TNS1: variants seen among roughly 807,000 people sequenced by gnomAD.
TNS1 encodes tensin 1, also known as tensin-1.
TNS1 carries 62 observed loss-of-function variants against 168.6 expected under a neutral mutation model. That is an observed-to-expected ratio of 0.37 (90% CI 0.30 to 0.45). TNS1 has a LOEUF of 0.45. TNS1 is among the 20% of genes least tolerant of loss of function. The probability of loss-of-function intolerance (pLI) is 1.00; values close to 1 mark genes in which losing one functional copy is unlikely to be tolerated. For synonymous variants in TNS1, 934 were observed against 933.2 expected, an observed-to-expected ratio of 1.00 and a Z score of -0.02; for missense variants, 2,240 against 2,339.4, an observed-to-expected ratio of 0.96 and a Z score of 0.88.
rs189031941 is a variant in TNS1, at chr2:217,935,444, C to T, written c.187-15208G>A. On this transcript the variant is annotated intron_variant, in intron 3 of 32. Coordinates refer to ENST00000682258, the MANE Select transcript of TNS1 (RefSeq NM_001387777.1). ...ATCACCTCTCCTCCCCCAGCCCCCA[C>T]CCCTCACCCTGGCTCGCCTCTGCTC... is the stretch of plus-strand genomic sequence containing the variant. 4.0e-4 allele frequency among the ~76,000 whole-genome samples: 61 copies of T among 152,288 alleles called. 1 individual carries two copies. The highest frequency in any genetic ancestry group is 1.6e-4 in the Non-Finnish European group (11 of 68,028).
chr2:217,872,604 G>A lies in TNS1; in HGVS notation c.1429+8294C>T, dbSNP rs1949868334. On this transcript the variant is annotated intron_variant, in intron 18 of 32. Transcript: ENST00000682258. ...AGTCTCATACATTGCTGGTAGGAAC[G>A]CCAAATGGTGTAGCCACTTTGGGAA... Among the ~76,000 whole-genome samples, 3 of 152,200 alleles carry A rather than the reference G, an allele frequency of 2.0e-5. No individual in the cohort carries two copies. In the South Asian group the frequency reaches 6.2e-4, roughly 32 times the overall value.
intron 1 of TNS1, among the ~76,000 whole-genome samples, chr2:218,027,055 C>T (rs957644333): frequency 6.6e-6 from 1 of 152,006 alleles, no homozygotes; most frequent in African/African-American, 2.4e-5. Flanking sequence ...TGGGGGCCCA[C>T]GAAGGGAGGA....
intron 2 of TNS1, among the ~76,000 whole-genome samples, chr2:217,989,057 G>A (rs370539794): frequency 6.6e-5 from 10 of 152,222 alleles, no homozygotes; most frequent in African/African-American, 2.2e-4. Flanking sequence ...AAAGGCTCCG[G>A]GCAAAAAGGG....
At chr2:217,979,751 T>G (rs1957993910) in intron 2 of TNS1, among the ~76,000 whole-genome samples, 1 of 152,120 alleles carries the variant, frequency 6.6e-6, no homozygotes, top group African/African-American at 2.4e-5. Flanking sequence ...TTGGGTCTTG[T>G]TGGCTGCCCA....
chr2:217,943,258 T>G (rs890643669), intron 3 of TNS1, among the ~76,000 whole-genome samples: 2 of 151,692 alleles, frequency 1.3e-5, no homozygotes, highest in Non-Finnish European at 2.9e-5. Context: ...CACTGAGGAG[T>G]GGAGATGGGA....
At chr2:217,887,523 G>T (rs1278918823) in intron 12 of TNS1, among the ~76,000 whole-genome samples, 3 of 152,138 alleles carry the variant, frequency 2.0e-5, no homozygotes, top group African/African-American at 7.2e-5. Context: ...GGTCAGGCTG[G>T]TCTCAAACTC....
At chr2:217,993,710 G>C (rs1958418115) in intron 1 of TNS1, among the ~76,000 whole-genome samples, 1 of 152,166 alleles carries the variant, frequency 6.6e-6, no homozygotes, top group South Asian at 2.1e-4. Flanking sequence ...GACATCACTG[G>C]GACCACTGGC....
intron 18 of TNS1, among the ~76,000 whole-genome samples, chr2:217,852,065 A>C (rs1947576230): frequency 6.6e-6 from 1 of 152,226 alleles, no homozygotes; most frequent in Admixed American, 6.5e-5. Context: ...GAATCACTTG[A>C]ACCTGGGAGG....
intron 18 of TNS1, among the ~76,000 whole-genome samples, chr2:217,851,455 A>G (rs1248031834): frequency 6.6e-6 from 1 of 151,570 alleles, no homozygotes; most frequent in South Asian, 2.1e-4. Flanking sequence ...ACACACACAC[A>G]CACACACACA....
In TNS1 at chr2:217,995,916, G is replaced by T. The variant is rs897696483; in HGVS notation, c.34-4860C>A. Among the ~76,000 whole-genome samples the T allele has an allele frequency of 5.3e-5, 8 of 152,296 alleles. No individual in the cohort carries two copies. The East Asian group carries it at 1.4e-3, about 26-fold the overall frequency. On this transcript the variant is annotated intron_variant, in intron 1 of 32. Coordinates refer to ENST00000682258, the MANE Select transcript of TNS1 (RefSeq NM_001387777.1). This position sits in a 1 kb window ranked among gnomAD's most constrained non-coding sequence, Gnocchi z 4.1. Reference sequence around the variant, plus strand: ...CACCCAGCATCAGAGGGCTTTCGTGGCCCTCGGGGCTTCCTCTCCCTTCCC... The same window carrying T: ...CACCCAGCATCAGAGGGCTTTCGTGTCCCTCGGGGCTTCCTCTCCCTTCCC...
intron 18 of TNS1, among the ~76,000 whole-genome samples, chr2:217,856,706 A>AT (rs1351241237): frequency 6.6e-6 from 1 of 152,152 alleles, no homozygotes; most frequent in Non-Finnish European, 1.5e-5. Context: ...ATTACCAAAG[A>AT]TTTTTTGGTA....
chr2:217,807,521 C>T (rs887115850), intron 32 of TNS1, among the ~76,000 whole-genome samples: 5 of 152,188 alleles, frequency 3.3e-5, no homozygotes, highest in African/African-American at 1.2e-4. Flanking sequence ...TGCCAATGGG[C>T]CTCCTGAGGG....
chr2:217,827,001 C>T (rs1235923718), intron 22 of TNS1, among the ~76,000 whole-genome samples: 1 of 152,128 alleles, frequency 6.6e-6, no homozygotes, highest in East Asian at 1.9e-4. Context: ...ACCCCCAGGT[C>T]CCAGATCTAG....
chr2:217,886,403 G>A (rs1325033335), intron 13 of TNS1, 131 bp downstream of exon 13: 1 of 749,898 alleles, frequency 1.3e-6, no homozygotes, highest in Non-Finnish European at 2.3e-6. Flanking sequence ...ACACTTGAGA[G>A]TCCAATGGAG....
At chr2:217,808,010 C>T (rs887794405) in intron 32 of TNS1, 65 bp downstream of exon 32, 18 of 1,586,074 alleles carry the variant, frequency 1.1e-5, no homozygotes, top group East Asian at 6.7e-5. Flanking sequence ...AAATGTGCCC[C>T]GTGCTTCCCT....
chr2:217,815,843 G>T (rs1265772360), intron 24 of TNS1, among the ~76,000 whole-genome samples: 1 of 152,074 alleles, frequency 6.6e-6, no homozygotes, highest in African/African-American at 2.4e-5. Flanking sequence ...CTTTCCACAG[G>T]GAAGGCCTAT....
Position 217,885,113 on chromosome 2 carries a change from G to A in TNS1, c.1168C>T (p.Arg390Cys), listed in dbSNP as rs766397293. ...ATGGCACAGGTGTGGAACTGCACAC[G>A]GAAGATGACGTCTCGGGCTGGGCTT... ...FRSPARDVIF[R>C]VQFHTCAIHD... is the part of the protein sequence containing the mutation. The change falls in exon 16 of 33, where the codon CGT (arginine) becomes TGT (cysteine). Residue 390 changes from arginine to cysteine, a missense_variant. Coordinates refer to ENST00000682258, the MANE Select transcript of TNS1 (RefSeq NM_001387777.1). 32 of 1,614,094 alleles carry A rather than the reference G, an allele frequency of 2.0e-5. No homozygotes were observed. The highest frequency in any genetic ancestry group is 2.7e-5 in the African/African-American group (2 of 74,930).
At chr2:217,804,713 C>T (rs930802941) in intron 32 of TNS1, 110 bp from the exon 33 acceptor site, 1 of 1,407,264 alleles carries the variant, frequency 7.1e-7, no homozygotes, top group African/African-American at 1.4e-5. Context: ...TCTTCCCCAT[C>T]CCTCCAGCAG....
At chr2:217,992,981 G>A (rs1435765528) in intron 1 of TNS1, among the ~76,000 whole-genome samples, 1 of 152,186 alleles carries the variant, frequency 6.6e-6, no homozygotes, top group Admixed American at 6.5e-5. Context: ...TTATGATACT[G>A]TATTTTTAGT....
Sources: gnomAD v4.1 joint callset for allele counts (sites outside exome capture counted in the v4.1 genomes callset) on GRCh38, gnomAD v4.1.1 for gene constraint, Gnocchi (gnomAD v3.1) non-coding constraint, MANE v1.5 for transcripts, NCBI Gene and HGNC (gene_info 2026-07-23, HGNC 2026-07-21) for gene names.